PITPNC1: variants seen among roughly 807,000 people sequenced by gnomAD.
The protein encoded by PITPNC1 is cytoplasmic phosphatidylinositol transfer protein 1.
PITPNC1 carries 18 observed loss-of-function variants against 44.7 expected under a neutral mutation model. The observed-to-expected ratio is 0.40, with a 90% CI of 0.28 to 0.60. PITPNC1 has a LOEUF of 0.60. PITPNC1 is among the 20% of genes least tolerant of loss of function. The probability of loss-of-function intolerance (pLI) is 0.39; values close to 1 mark genes in which losing one functional copy is unlikely to be tolerated. For missense variants in PITPNC1, 290 were observed against 418.4 expected, an observed-to-expected ratio of 0.69 and a Z score of 2.68; for synonymous variants, 141 against 149.6, an observed-to-expected ratio of 0.94 and a Z score of 0.42.
At chr17:67,553,688 T>A in intron 4 of PITPNC1, 71 bp downstream of exon 4, 1 of 560,426 alleles carries the variant, frequency 1.8e-6, no homozygotes, top group Non-Finnish European at 3.1e-6. Flanking sequence ...TCTCTTGTAT[T>A]ACTTGTCTTA....
chr17:67,474,163 GAGA>G (rs1196584165), intron 1 of PITPNC1, among the ~76,000 whole-genome samples: 2 of 152,140 alleles, frequency 1.3e-5, no homozygotes, highest in East Asian at 3.8e-4. Context: ...GAAGGTCAGT[GAGA>G]AGGAGATCCG....
chr17:67,586,703 C>T (rs1305340329), intron 5 of PITPNC1, among the ~76,000 whole-genome samples: 1 of 151,658 alleles, frequency 6.6e-6, no homozygotes, highest in African/African-American at 2.4e-5. Context: ...GCCAAAACTA[C>T]AGACTTCATT....
chr17:67,681,560 G>A (rs1385544475), intron 8 of PITPNC1, among the ~76,000 whole-genome samples: 2 of 135,054 alleles, frequency 1.5e-5, no homozygotes, highest in Non-Finnish European at 3.1e-5. Flanking sequence ...AGGGAACTAT[G>A]GTCACACCAC....
chr17:67,579,034 T>C (rs1237533861), intron 5 of PITPNC1, among the ~76,000 whole-genome samples: 1 of 152,244 alleles, frequency 6.6e-6, no homozygotes, highest in Non-Finnish European at 1.5e-5. Context: ...GTGTGCATAC[T>C]GCATGCATGC....
intron 6 of PITPNC1, among the ~76,000 whole-genome samples, chr17:67,647,478 T>TTTTTG (rs2042164497): frequency 1.6e-5 from 2 of 128,388 alleles, no homozygotes; most frequent in South Asian, 2.6e-4. Context: ...TTTTTTTTTT[T>TTTTTG]TTTTTTTTTT....
chr17:67,534,586 C>G (rs774324003), intron 2 of PITPNC1, among the ~76,000 whole-genome samples: 2 of 151,466 alleles, frequency 1.3e-5, no homozygotes, highest in Non-Finnish European at 2.9e-5. Context: ...CTGCAGTGAG[C>G]TGAGATCATG....
chr17:67,564,449 GCCTTT>G (rs1219942486), intron 4 of PITPNC1, among the ~76,000 whole-genome samples: 3 of 152,092 alleles, frequency 2.0e-5, no homozygotes, highest in Admixed American at 2.0e-4. Context: ...CCATACATTT[GCCTTT>G]CCTCTGTATT....
intron 1 of PITPNC1, among the ~76,000 whole-genome samples, chr17:67,385,354 A>G (rs1167357069): frequency 2.0e-5 from 3 of 152,150 alleles, no homozygotes; most frequent in Admixed American, 6.5e-5. Context: ...TGTAAAATGG[A>G]CCAATCAGTG....
chr17:67,450,670 A>C (rs1217347928), intron 1 of PITPNC1, among the ~76,000 whole-genome samples: 2 of 152,018 alleles, frequency 1.3e-5, no homozygotes, highest in Non-Finnish European at 2.9e-5. Flanking sequence ...CAAGTGATCC[A>C]CCCGCATCAG....
chr17:67,397,287 A>C (rs2038234660), intron 1 of PITPNC1, among the ~76,000 whole-genome samples: 1 of 152,000 alleles, frequency 6.6e-6, no homozygotes, highest in East Asian at 1.9e-4. Context: ...GGCCGTGACC[A>C]TCTTATTTTT....
chr17:67,592,420 A>G (rs1242968268), intron 5 of PITPNC1, among the ~76,000 whole-genome samples: 1 of 152,244 alleles, frequency 6.6e-6, no homozygotes, highest in Non-Finnish European at 1.5e-5. Flanking sequence ...TAAAGAAATA[A>G]GTGATTTCCT....
intron 4 of PITPNC1, among the ~76,000 whole-genome samples, chr17:67,554,082 C>A (rs979014445): frequency 6.6e-6 from 1 of 151,976 alleles, no homozygotes; most frequent in African/African-American, 2.4e-5. Flanking sequence ...GTTGGGCAGT[C>A]GCTGTGGCTT....
chr17:67,678,188 C>G (rs1050605713), intron 8 of PITPNC1, among the ~76,000 whole-genome samples: 1 of 148,806 alleles, frequency 6.7e-6, no homozygotes, highest in Non-Finnish European at 1.5e-5. Context: ...TGCACTCTAG[C>G]CTGGGTGACC....
intron 5 of PITPNC1, among the ~76,000 whole-genome samples, chr17:67,608,234 TA>T (rs150137801): frequency 0.35 from 43,011 of 121,982 alleles, 6,331 homozygotes; most frequent in East Asian, 0.46. Context: ...AAATGTCAAT[TA>T]AAAAAAAAAA....
intron 1 of PITPNC1, among the ~76,000 whole-genome samples, chr17:67,431,084 A>G (rs1247946460): frequency 4.7e-5 from 6 of 128,994 alleles, no homozygotes; most frequent in Non-Finnish European, 9.7e-5. Flanking sequence ...TTTGCGATGG[A>G]ATATTGCTCT....
chr17:67,567,902 G>A lies in PITPNC1; in HGVS notation c.295-10284G>A, dbSNP rs115824238. Among the ~76,000 whole-genome samples, 1,450 of 151,944 alleles carry A rather than the reference G, an allele frequency of 9.5e-3. 22 individuals carry two copies. The highest frequency in any genetic ancestry group is 0.033 in the African/African-American group (1,370 of 41,416). ...GCAGGAGAATCGCTTGAACCCAGGG[G>A]GTGGAATTGCAATGAGCCAAGATCA... On this transcript the variant is annotated intron_variant, in intron 4 of 8. Coordinates refer to ENST00000581322, the MANE Select transcript of PITPNC1 (RefSeq NM_012417.4).
chr17:67,554,510 G>A (rs1355148784), intron 4 of PITPNC1, among the ~76,000 whole-genome samples: 1 of 152,028 alleles, frequency 6.6e-6, no homozygotes, highest in African/African-American at 2.4e-5. Context: ...CGCCCACCTT[G>A]GCTTCCCAAA....
chr17:67,554,381 CCA>C (rs2040807736), intron 4 of PITPNC1, among the ~76,000 whole-genome samples: 5 of 151,786 alleles, frequency 3.3e-5, no homozygotes, highest in African/African-American at 1.2e-4. Context: ...CCTCAGCCTC[CCA>C]AGTAGCTGGG....
chr17:67,384,713 C>T (rs1368865718), intron 1 of PITPNC1, among the ~76,000 whole-genome samples: 1 of 152,266 alleles, frequency 6.6e-6, no homozygotes, highest in Non-Finnish European at 1.5e-5. Flanking sequence ...GCATGAGCCA[C>T]TGCGCCGGGC....
Sources: allele counts gnomAD v4.1 joint callset (sites outside exome capture counted in the v4.1 genomes callset), GRCh38; gene constraint gnomAD v4.1.1; transcripts MANE v1.5; gene names NCBI Gene and HGNC (gene_info 2026-07-23, HGNC 2026-07-21).